Variants in TTN observed in about 807,000 individuals in gnomAD.
TTN encodes titin, also known as connectin.
In TTN, 1,525 loss-of-function variants were observed where a neutral mutation model predicts 3,223.0. The ratio of observed to expected loss-of-function variants is 0.47; its 90% CI spans 0.45 to 0.49. The LOEUF (loss-of-function observed/expected upper bound fraction) is 0.49, where lower values mean the gene tolerates loss of function less well. TTN is among the 20% of genes least tolerant of loss of function. TTN has a pLI of 0.00. For synonymous variants in TTN, 14,094 were observed against 15,161.0 expected (o/e 0.93, Z 5.17); for missense variants, 40,786 against 43,424.0 (o/e 0.94, Z 5.40).
At chr2:178,644,852 G>T in intron 217 of TTN, 1 of 407,430 alleles carries the variant, frequency 2.5e-6, no homozygotes, top group Admixed American at 4.8e-5. Context: ...GACAATTTTT[G>T]TTATTGGCAG....
Position 178,567,705 on chromosome 2 carries a change from C to T in TTN, c.78427G>A (p.Val26143Ile). ...GACACAGTAAATTGAGTTTCAATGA[C>T]ATTTGTAAAGCTAGCTTTCATCCAA... ...GRWMKASFTN[V>I]IETQFTVSGL... Residue 26143 changes from valine (V) to isoleucine (I), a missense_variant, in exon 326 of 363, where the codon GTC becomes ATC. By Grantham distance (29) the Val-to-Ile change is conservative. Coordinates refer to ENST00000589042, the MANE Select transcript of TTN (RefSeq NM_001267550.2). 6.2e-7 allele frequency: 1 copy of T among 1,611,754 alleles called. No homozygotes were observed.
rs372233361 is a variant in TTN at position 178,799,772 on chromosome 2, G to A, written c.670-41C>T. ...ACAAAGCCCACGTTGAGGAGGAATA[G>A]CTGGGGACGCAACAGCCTGAAAGGC... is the stretch of plus-strand genomic sequence containing the variant. On this transcript the variant is annotated intron_variant, in intron 5 of 362. Transcript: ENST00000589042. 143 of 1,614,164 alleles carry A rather than the reference G, an allele frequency of 8.9e-5. 2 individuals carry two copies. In the South Asian group the frequency reaches 1.5e-3, roughly 17 times the overall value.
chr2:178,630,890 C>T lies in TTN; in HGVS notation c.44068G>A (p.Glu14690Lys). The T allele has an allele frequency of 6.2e-7, 1 of 1,613,272 alleles. No individual in the cohort carries two copies. The highest frequency in any genetic ancestry group is 8.5e-7 in the Non-Finnish European group (1 of 1,179,504). ...ATTTCGGTTTCAAAGCGTGCTGTCT[C>T]AGTCTCCATCACCTCCACACTGTGC... The part of the protein sequence containing the change: ...PLHSVEVMET[E>K]TARFETEISE... Residue 14690 changes from glutamate (E) to lysine (K), a missense_variant, in exon 238 of 363, where the codon GAG (glutamate) becomes AAG (lysine). Coordinates refer to ENST00000589042, the MANE Select transcript of TTN (RefSeq NM_001267550.2).
In TTN at chr2:178,719,818, T is replaced by C. The variant is rs2078060561; in HGVS notation, c.23674A>G (p.Ile7892Val). Residue 7892 changes from isoleucine to valine, a missense_variant, in exon 82 of 363, where the codon ATA (isoleucine) becomes GTA (valine). Physicochemically the swap from Ile to Val is conservative, Grantham distance 29 (BLOSUM62 3). Coordinates refer to ENST00000589042, the MANE Select transcript of TTN (RefSeq NM_001267550.2). ...VLTVLEPARI[I>V]EKPEPMTVTT... is the part of the protein sequence containing the mutation. ...ACAGTCATGGGTTCGGGCTTCTCTA[T>C]GATTCTTGCTGGTTCTAAAAGAAGA... 1.9e-6 allele frequency: 3 copies of C among 1,604,580 alleles called. No individual in the cohort carries two copies. In the South Asian group the frequency reaches 3.3e-5, roughly 18 times the overall value.
chr2:178,627,237 A>G (rs1437052923), intron 240 of TTN, among the ~76,000 whole-genome samples: 4 of 151,992 alleles, frequency 2.6e-5, no homozygotes, highest in Admixed American at 2.6e-4. Context: ...GACAGCCAAA[A>G]ACAACTACAA....
At chr2:178,764,126 A>G in intron 43 of TTN, 51 bp downstream of exon 43, 1 of 1,613,478 alleles carries the variant, frequency 6.2e-7, no homozygotes, top group South Asian at 1.1e-5. Context: ...TGTTTTTCCC[A>G]TGTAATTATT....
chr2:178,782,161 T>C (rs752780660), intron 20 of TTN, 51 bp downstream of exon 20: 9 of 1,603,298 alleles, frequency 5.6e-6, no homozygotes, highest in South Asian at 5.5e-5. Flanking sequence ...CTAGGCTTCA[T>C]GCACGTATTA....
Position 178,584,258 on chromosome 2 carries a change from A to T in TTN, c.65275+18T>A, listed in dbSNP as rs1214338843. 1 of 1,528,280 alleles carries T rather than the reference A, an allele frequency of 6.5e-7. No homozygotes were observed. The highest frequency in any genetic ancestry group is 1.3e-5 in the South Asian group (1 of 75,010). The allele number at this position is 1,528,280 out of a possible 1,614,324, so 94.7% of individuals were successfully genotyped here. A position where few individuals can be genotyped will look rare whatever the true frequency, so the allele number is the denominator to read the frequency against. ...AATACTAAAACAACAACAACAATAA[A>T]AAAACCCCAAAACTTACCAACTGGC... On this transcript the variant is annotated intron_variant, in intron 311 of 362. Transcript: ENST00000589042.
intron 251 of TTN, 35 bp from the exon 252 acceptor site, chr2:178,618,526 G>T (rs2057750864): frequency 1.2e-6 from 2 of 1,609,378 alleles, no homozygotes; most frequent in African/African-American, 2.7e-5. Context: ...TTTTTAGTGT[G>T]CTGTCTTGCT....
chr2:178,561,970 G>T lies in TTN; in HGVS notation c.84162C>A (p.Asp28054Glu). The change falls in exon 326 of 363, where the codon GAC becomes GAA. Residue 28054 changes from aspartate to glutamate, a missense_variant. Physicochemically the swap from Asp to Glu is conservative, Grantham distance 45. Transcript: ENST00000589042. ...GTATAGGACCTGGAGGTCCTGGTCT[G>T]TCAAGGACAATTATAGTAATAGGAA... Reference protein sequence around the residue: ...ITVPITIIVLDRPGPPGPIRI... With the variant: ...ITVPITIIVLERPGPPGPIRI... 1 of 1,613,282 alleles carries T rather than the reference G, an allele frequency of 6.2e-7. No homozygotes were observed.
At position 178,552,111 on chromosome 2, in the gene TTN, C is replaced by T. The variant is rs769726647; in HGVS notation, c.90789G>A (p.Glu30263=). The T allele has an allele frequency of 6.2e-6, 10 of 1,613,640 alleles. No homozygotes were observed. The highest frequency in any genetic ancestry group is 8.5e-6 in the Non-Finnish European group (10 of 1,179,786). Residue 30263 remains glutamate, a synonymous_variant, in exon 335 of 363, where the codon GAG becomes GAA. Transcript: ENST00000589042. ...AGTTAGTTTGTGAAGTTTCCCGCTT[C>T]TCGATGCTGTAACAAGTAATTTCTC... The part of the protein sequence containing the change: ...GGGEITCYSI[E]KRETSQTNWK...
Position 178,784,086 on chromosome 2 carries a change from T to C in TTN, c.2759A>G (p.His920Arg). 6.2e-7 allele frequency: 1 copy of C among 1,613,584 alleles called. No homozygotes were observed. The highest frequency in any genetic ancestry group is 1.1e-5 in the South Asian group (1 of 91,046). Residue 920 changes from histidine to arginine, a missense_variant, in exon 16 of 363, where the codon CAC becomes CGC. Transcript: ENST00000589042. The part of the protein sequence containing the change: ...TVREERFEVL[H>R]GREAKVTETA... ...GTGACCAACCTTGGCTTCGCGTCCG[T>C]GCAGTACTTCAAAGCGCTCTTCACG...
intron 42 of TTN, 99 bp downstream of exon 42, chr2:178,764,428 T>G (rs897426022): frequency 9.3e-6 from 15 of 1,610,668 alleles, no homozygotes; most frequent in Non-Finnish European, 1.3e-5. Context: ...AGCAATCTAC[T>G]TTTATGAGCT....
In TTN at chr2:178,775,777, T is replaced by C. The variant is rs778003583; in HGVS notation, c.6087A>G (p.Glu2029=). The C allele has an allele frequency of 6.2e-7, 1 of 1,613,704 alleles. No homozygotes were observed. The highest frequency in any genetic ancestry group is 8.5e-7 in the Non-Finnish European group (1 of 1,179,916). Residue 2029 remains glutamate, a synonymous_variant, in exon 28 of 363, where the codon GAA becomes GAG. Coordinates refer to ENST00000589042, the MANE Select transcript of TTN (RefSeq NM_001267550.2). ...GTTCATCTTTTGTCTTCCTGAGGAG[T>C]TCCTCATAGGATTCATCCTTCTTTC... ...KSRKKDESYE[E]LLRKTKDELL... is the part of the protein sequence containing the mutation.
At position 178,547,288 on chromosome 2, in the gene TTN, T is replaced by C. The variant is rs1361033922; in HGVS notation, c.94237A>G (p.Thr31413Ala). 4 of 1,609,862 alleles carry C rather than the reference T, an allele frequency of 2.5e-6. No individual in the cohort carries two copies. The South Asian group carries it at 4.4e-5, about 18-fold the overall frequency. Residue 31413 changes from threonine to alanine, a missense_variant, in exon 340 of 363, where the codon ACC becomes GCC. By Grantham distance (58) the Thr-to-Ala change is moderately conservative. Transcript: ENST00000589042. ...GACACATGGTAGACCTCAGGTCTGGTAGGAGCGCTTGGTGGGACTAAATAT... is the reference window on the plus strand; with the variant it reads ...GACACATGGTAGACCTCAGGTCTGGCAGGAGCGCTTGGTGGGACTAAATAT... Reference protein sequence around the residue: ...EHPFVPPSAPTRPEVYHVSAN... With the variant: ...EHPFVPPSAPARPEVYHVSAN...
In TTN at chr2:178,782,349, C is replaced by T. The variant is rs559501661; in HGVS notation, c.3243G>A (p.Ala1081=). The change falls in exon 20 of 363, where the codon GCG becomes GCA. Residue 1081 remains alanine, a synonymous_variant. Transcript: ENST00000589042. ...CCACTGGTTTTGTAATAAAGTAAGG[C>T]GCGGCAGGTTCTCCAGGCCCTGCTT... ...EEQAGPGEPA[A]PYFITKPVVQ... 69 of 1,614,076 alleles carry T rather than the reference C, an allele frequency of 4.3e-5. 1 individual carries two copies. In the South Asian group the frequency reaches 5.3e-4, roughly 12 times the overall value.
At chr2:178,669,898 C>G (rs1251271994) in intron 157 of TTN, among the ~76,000 whole-genome samples, 1 of 151,820 alleles carries the variant, frequency 6.6e-6, no homozygotes, top group Non-Finnish European at 1.5e-5. Flanking sequence ...GTATCATTTT[C>G]TATTGCCATT....
rs780407852 is a variant in TTN, at chr2:178,720,220, T to C, written c.23422A>G (p.Ile7808Val). 2 of 1,613,452 alleles carry C rather than the reference T, an allele frequency of 1.2e-6. No individual in the cohort carries two copies. The highest frequency in any genetic ancestry group is 1.7e-6 in the Non-Finnish European group (2 of 1,179,676). The stretch of plus-strand genomic sequence containing the variant: ...GCCCGTAACTCAACAGCATCCCCAA[T>C]AAGGGTTGAGGTGTCACTTAGCTTT... ...VKKLSDTSTL[I>V]GDAVELRAIV... is the part of the protein sequence containing the mutation. Residue 7808 changes from isoleucine (I) to valine (V), a missense_variant, in exon 81 of 363, where the codon ATT (isoleucine) becomes GTT (valine). Ile to Val is a conservative substitution (Grantham distance 29). Coordinates refer to ENST00000589042, the MANE Select transcript of TTN (RefSeq NM_001267550.2).
In TTN at chr2:178,578,637, T is replaced by C. The variant is rs761210578; in HGVS notation, c.68303A>G (p.Lys22768Arg). ...DSVSLTWTDP[K>R]KTGGSPITGY... ...TGTAATTGGAGAACCACCAGTTTTCTTGGGGTCAGTCCAAGTTAGAGATAC... is the reference window on the plus strand; with the variant it reads ...TGTAATTGGAGAACCACCAGTTTTCCTGGGGTCAGTCCAAGTTAGAGATAC... The change falls in exon 321 of 363, where the codon AAG becomes AGG. Residue 22768 changes from lysine (K) to arginine (R), a missense_variant. Lys to Arg is a conservative substitution (Grantham distance 26, BLOSUM62 2). Coordinates refer to ENST00000589042, the MANE Select transcript of TTN (RefSeq NM_001267550.2). The C allele has an allele frequency of 5.6e-6, 9 of 1,611,918 alleles. No individual in the cohort carries two copies. The African/African-American group carries it at 1.1e-4, about 19-fold the overall frequency.
Sources: allele counts gnomAD v4.1 joint callset (sites outside exome capture counted in the v4.1 genomes callset), GRCh38; gene constraint gnomAD v4.1.1; transcripts MANE v1.5; gene names NCBI Gene and HGNC (gene_info 2026-07-23, HGNC 2026-07-21).